The following MKLN1 variants were observed in gnomAD, a reference collection of about 807,000 sequenced individuals.
MKLN1 encodes the protein muskelin 1.
MKLN1 carries 18 observed loss-of-function variants against 99.0 expected under a neutral mutation model. The observed-to-expected ratio is 0.18, with a 90% CI of 0.13 to 0.27. The LOEUF (loss-of-function observed/expected upper bound fraction) is 0.27. Ranked by LOEUF, MKLN1 falls within the 10% of genes least tolerant of loss-of-function variation. The pLI is 1.00. For missense variants in MKLN1, 621 were observed against 875.9 expected (o/e 0.71, Z 3.67); for synonymous variants, 288 against 293.2 (o/e 0.98, Z 0.18).
At chr7:131,448,872 C>G (rs1041000631) in intron 12 of MKLN1, among the ~76,000 whole-genome samples, 2 of 152,184 alleles carry the variant, frequency 1.3e-5, no homozygotes, top group African/African-American at 4.8e-5. Flanking sequence ...TTGTCCCTCT[C>G]CCTTCCTCCT....
chr7:131,342,006 G>A (rs2116729952), intron 1 of MKLN1, among the ~76,000 whole-genome samples: 1 of 152,294 alleles, frequency 6.6e-6, no homozygotes, highest in Non-Finnish European at 1.5e-5. Context: ...CCACTTATTG[G>A]CTATTATGAA....
chr7:131,192,142 TAC>T (rs1290906140), intron 2 of MKLN1, among the ~76,000 whole-genome samples: 1 of 72,658 alleles, frequency 1.4e-5, no homozygotes, highest in Non-Finnish European at 2.5e-5. Flanking sequence ...AAAATATATA[TAC>T]GTATATATAC....
intron 3 of MKLN1, among the ~76,000 whole-genome samples, chr7:131,273,617 C>CT (rs35752769): frequency 5.4e-5 from 8 of 148,680 alleles, no homozygotes; most frequent in Non-Finnish European, 8.9e-5. Context: ...CTATGGCTGA[C>CT]TTTTTTTTTC....
intron 12 of MKLN1, 29 bp from the exon 13 acceptor site, chr7:131,463,188 T>G (rs912821193): frequency 1.3e-6 from 2 of 1,548,520 alleles, no homozygotes; most frequent in African/African-American, 2.7e-5. Context: ...TGTGAATATT[T>G]TCATCTTATT....
At chr7:131,165,176 G>T (rs989412304) in intron 2 of MKLN1, among the ~76,000 whole-genome samples, 3 of 151,256 alleles carry the variant, frequency 2.0e-5, no homozygotes, top group African/African-American at 7.3e-5. Flanking sequence ...GGGTGTTTTC[G>T]TTGTTGTTGT....
chr7:131,423,644 T>TA (rs1795269559), intron 8 of MKLN1, among the ~76,000 whole-genome samples: 1 of 152,230 alleles, frequency 6.6e-6, no homozygotes. Context: ...AAAGTGCTTT[T>TA]ATTTTTTTAC....
intron 6 of MKLN1, among the ~76,000 whole-genome samples, chr7:131,405,376 CAT>C (rs768527119): frequency 2.0e-5 from 3 of 151,616 alleles, no homozygotes; most frequent in Non-Finnish European, 4.4e-5. Context: ...TCCATCAGCA[CAT>C]GTTTATCAAG....
At chr7:131,460,332 G>T (rs576547912) in intron 12 of MKLN1, among the ~76,000 whole-genome samples, 7 of 152,272 alleles carry the variant, frequency 4.6e-5, no homozygotes, top group African/African-American at 1.7e-4. Context: ...TATCAATTAA[G>T]AAAGGTAGTT....
intron 12 of MKLN1, among the ~76,000 whole-genome samples, chr7:131,457,372 A>G (rs904600071): frequency 2.0e-5 from 3 of 152,222 alleles, no homozygotes; most frequent in Admixed American, 6.5e-5. Context: ...AATAAGATCC[A>G]AACATTATAA....
intron 1 of MKLN1, among the ~76,000 whole-genome samples, chr7:131,134,148 T>C (rs1001161320): frequency 1.3e-5 from 2 of 152,100 alleles, no homozygotes; most frequent in Admixed American, 6.6e-5. Context: ...TCTAATTCTC[T>C]AGAAACTGTG....
At chr7:131,398,043 TAA>T (rs1363117188) in intron 5 of MKLN1, among the ~76,000 whole-genome samples, 2 of 152,170 alleles carry the variant, frequency 1.3e-5, no homozygotes, top group East Asian at 3.8e-4. Flanking sequence ...TTTTATTAGT[TAA>T]GTCAGCTATC....
intron 3 of MKLN1, among the ~76,000 whole-genome samples, chr7:131,220,303 C>T (rs1797042052): frequency 6.6e-6 from 1 of 152,148 alleles, no homozygotes; most frequent in Non-Finnish European, 1.5e-5. Context: ...TCCCCACTCC[C>T]ATAACCTGTT....
At chr7:131,198,441 A>G (rs1796680854) in intron 2 of MKLN1, among the ~76,000 whole-genome samples, 2 of 152,232 alleles carry the variant, frequency 1.3e-5, no homozygotes, top group Non-Finnish European at 2.9e-5. Context: ...ATATGATGGT[A>G]TTCCTTCGGA....
chr7:131,201,658 G>A (rs77655671), intron 2 of MKLN1, among the ~76,000 whole-genome samples: 21,631 of 152,096 alleles, frequency 0.14, 1,980 homozygotes, highest in East Asian at 0.39. Context: ...GCTTTACTAC[G>A]TATAAAGCAA....
At chr7:131,443,346 G>A in intron 10 of MKLN1, 135 bp from the exon 11 acceptor site, 2 of 618,796 alleles carry the variant, frequency 3.2e-6, no homozygotes. Flanking sequence ...ATGATAATCA[G>A]GGGTGGTATT....
chr7:131,356,504 A>G (rs1799886162), intron 1 of MKLN1, among the ~76,000 whole-genome samples: 1 of 152,078 alleles, frequency 6.6e-6, no homozygotes, highest in African/African-American at 2.4e-5. Context: ...GTCTTCTGTA[A>G]CTGCTTCCTG....
chr7:131,457,766 A>G (rs573939206), intron 12 of MKLN1, among the ~76,000 whole-genome samples: 1 of 152,262 alleles, frequency 6.6e-6, no homozygotes, highest in South Asian at 2.1e-4. Flanking sequence ...AAATACAAAA[A>G]TTAGCCAGGC....
rs1330426978 is a variant in MKLN1 at position 131,328,041 on chromosome 7, T to A, written c.98+44T>A. 1.9e-6 allele frequency: 3 copies of A among 1,599,826 alleles called. No individual in the cohort carries two copies. In the East Asian group the frequency reaches 6.9e-5, roughly 37 times the overall value. ...GCTCGTGCTGCCCCACCCTTCCGCG[T>A]CAGCACGGTTGGGCCAGGGGTGCAA... On this transcript the variant is annotated intron_variant, in intron 1 of 17. Transcript: ENST00000352689.
intron 4 of MKLN1, among the ~76,000 whole-genome samples, chr7:131,395,105 T>C (rs976793945): frequency 6.6e-6 from 1 of 152,124 alleles, no homozygotes; most frequent in African/African-American, 2.4e-5. Flanking sequence ...TCCAAAATTC[T>C]AATTTTTCTC....
Sources: gnomAD v4.1 joint callset for allele counts (sites outside exome capture counted in the v4.1 genomes callset) on GRCh38, gnomAD v4.1.1 for gene constraint, MANE v1.5 for transcripts, NCBI Gene and HGNC (gene_info 2026-07-23, HGNC 2026-07-21) for gene names.